The following SLC25A21 variants were observed in gnomAD, a reference collection of about 807,000 sequenced individuals.
SLC25A21 encodes the protein mitochondrial 2-oxodicarboxylate carrier.
In SLC25A21, 47 loss-of-function variants were observed where a neutral mutation model predicts 43.8. The observed-to-expected ratio is 1.07, with a 90% CI of 0.85 to 1.37. The LOEUF is 1.37. Among genes scored for constraint, SLC25A21 ranks in the 40% most tolerant of loss-of-function variants. The pLI, the probability that SLC25A21 is intolerant of heterozygous loss-of-function variation, is 0.00. For synonymous variants in SLC25A21, 131 were observed against 121.3 expected (o/e 1.08, Z -0.52); for missense variants, 352 against 350.2 (o/e 1.00, Z -0.04).
chr14:36,714,294 C>A (rs1181491853), intron 6 of SLC25A21, among the ~76,000 whole-genome samples: 4 of 152,196 alleles, frequency 2.6e-5, no homozygotes, highest in Non-Finnish European at 5.9e-5. Flanking sequence ...GCTGTCCTTT[C>A]CTTTTCCCAG....
chr14:36,798,679 T>A (rs962104958), intron 3 of SLC25A21, among the ~76,000 whole-genome samples: 1 of 152,082 alleles, frequency 6.6e-6, no homozygotes, highest in Non-Finnish European at 1.5e-5. Flanking sequence ...GAAAATGACA[T>A]CAATACAGAA....
intron 3 of SLC25A21, among the ~76,000 whole-genome samples, chr14:36,802,242 T>C (rs921436356): frequency 2.6e-5 from 4 of 152,168 alleles, no homozygotes; most frequent in African/African-American, 9.6e-5. Context: ...ATGAAACTAG[T>C]AATTATTCAA....
intron 2 of SLC25A21, among the ~76,000 whole-genome samples, chr14:36,867,518 C>T (rs796832537): frequency 2.0e-5 from 3 of 152,104 alleles, no homozygotes; most frequent in East Asian, 1.9e-4. Context: ...ACGTGTGGCA[C>T]GAGGCCAGCA....
At chr14:36,881,520 T>C (rs1890724114) in intron 1 of SLC25A21, among the ~76,000 whole-genome samples, 1 of 152,156 alleles carries the variant, frequency 6.6e-6, no homozygotes, top group Non-Finnish European at 1.5e-5. Flanking sequence ...AGGTTGTTCT[T>C]TTTCATTTCA....
intron 1 of SLC25A21, among the ~76,000 whole-genome samples, chr14:37,079,754 T>C (rs998350639): frequency 1.3e-5 from 2 of 152,204 alleles, no homozygotes; most frequent in Non-Finnish European, 1.5e-5. Flanking sequence ...AACATTCAGT[T>C]GGAACATGCC....
At chr14:36,796,389 TTCTTTC>T (rs1237853870) in intron 3 of SLC25A21, among the ~76,000 whole-genome samples, 9 of 95,946 alleles carry the variant, frequency 9.4e-5, no homozygotes, top group African/African-American at 3.9e-4. Context: ...CTCTTTCTCT[TTCTTTC>T]TCTTTCTTTC....
intron 5 of SLC25A21, among the ~76,000 whole-genome samples, chr14:36,725,981 T>A (rs1484312506): frequency 6.6e-6 from 1 of 152,236 alleles, no homozygotes; most frequent in Non-Finnish European, 1.5e-5. Context: ...AAGGTGGATA[T>A]TAAAACATCT....
chr14:37,142,992 G>A (rs17106444), intron 1 of SLC25A21, among the ~76,000 whole-genome samples: 3,286 of 152,286 alleles, frequency 0.022, 118 homozygotes, highest in African/African-American at 0.074. Flanking sequence ...GGCAAAGGGA[G>A]CTGTCCCTCC....
At chr14:37,133,143 G>GCACACACACACACACACA (rs33962615) in intron 1 of SLC25A21, among the ~76,000 whole-genome samples, 22 of 147,962 alleles carry the variant, frequency 1.5e-4, no homozygotes, top group African/African-American at 5.0e-4. Flanking sequence ...GTGCACTCGT[G>GCACACACACACACACACA]CACACACACA....
chr14:36,809,213 A>G (rs1328067783), intron 3 of SLC25A21: 1 of 152,114 alleles, frequency 6.6e-6, no homozygotes, highest in African/African-American at 2.4e-5. Flanking sequence ...CAGTAGATGG[A>G]CCTATTTATT....
intron 1 of SLC25A21, among the ~76,000 whole-genome samples, chr14:37,125,788 C>T (rs868525510): frequency 1.3e-5 from 2 of 152,122 alleles, no homozygotes; most frequent in African/African-American, 2.4e-5. Context: ...GGGAAGAAGT[C>T]AACTGGGATA....
chr14:36,786,199 T>C (rs1887244775), intron 3 of SLC25A21, among the ~76,000 whole-genome samples: 1 of 152,170 alleles, frequency 6.6e-6, no homozygotes, highest in African/African-American at 2.4e-5. Context: ...TCAAAGGTTG[T>C]TGTGAAGATC....
rs555922443 is a variant in SLC25A21, at chr14:36,868,283, A to T, written c.119+6673T>A. ...ATGAGGGGTCCACTCACAATTATAC[A>T]CACAGCTCTGTTTGTGTATAAACAG... On this transcript the variant is annotated intron_variant, in intron 2 of 9. Coordinates refer to ENST00000331299, the MANE Select transcript of SLC25A21 (RefSeq NM_030631.4). Among the ~76,000 whole-genome samples, 207 of 152,258 alleles carry T rather than the reference A, an allele frequency of 1.4e-3. 2 individuals carry two copies. Among genetic ancestry groups the T allele is most frequent in the African/African-American group, 4.8e-3 (200 of 41,560 alleles).
At chr14:37,119,123 G>A (rs1400649469) in intron 1 of SLC25A21, among the ~76,000 whole-genome samples, 2 of 152,136 alleles carry the variant, frequency 1.3e-5, no homozygotes, top group East Asian at 3.9e-4. Context: ...CGCCATGACA[G>A]TTTACAAATG....
intron 3 of SLC25A21, among the ~76,000 whole-genome samples, chr14:36,773,396 A>G (rs551847976): frequency 1.3e-5 from 2 of 152,300 alleles, no homozygotes; most frequent in South Asian, 4.1e-4. Context: ...CCACAACTAG[A>G]ATATGTGATG....
At chr14:36,748,926 C>T (rs982357919) in intron 3 of SLC25A21, among the ~76,000 whole-genome samples, 5 of 152,170 alleles carry the variant, frequency 3.3e-5, no homozygotes, top group Admixed American at 2.0e-4. Flanking sequence ...CCTAAGCCTG[C>T]CTTTTTACAT....
chr14:37,123,340 T>C (rs907042222), intron 1 of SLC25A21, among the ~76,000 whole-genome samples: 2 of 152,130 alleles, frequency 1.3e-5, no homozygotes, highest in African/African-American at 4.8e-5. Context: ...CAAGCACCTA[T>C]AACTGACAAG....
At chr14:36,725,705 TAAAAC>T in intron 5 of SLC25A21, 28 bp from the exon 6 acceptor site, 4 of 1,477,020 alleles carry the variant, frequency 2.7e-6, no homozygotes, top group Non-Finnish European at 3.7e-6. Flanking sequence ...ATCAATACTT[TAAAAC>T]AAGTTATCAT....
At chr14:36,776,403 A>T (rs974535793) in intron 3 of SLC25A21, among the ~76,000 whole-genome samples, 1 of 150,438 alleles carries the variant, frequency 6.6e-6, no homozygotes, top group African/African-American at 2.4e-5. Flanking sequence ...TGCCAGGCTA[A>T]TTTTTTTTGT....
Sources: gnomAD v4.1 joint callset for allele counts (sites outside exome capture counted in the v4.1 genomes callset) on GRCh38, gnomAD v4.1.1 for gene constraint, MANE v1.5 for transcripts, NCBI Gene and HGNC (gene_info 2026-07-23, HGNC 2026-07-21) for gene names.